Variants in PTK2 observed in about 807,000 individuals in gnomAD.
PTK2 encodes the protein focal adhesion kinase 1.
Under a neutral mutation model 150.1 loss-of-function variants are expected in PTK2, and 45 were observed. That is an observed-to-expected ratio of 0.30 (90% CI 0.24 to 0.38). The LOEUF is 0.38. Ranked by LOEUF, PTK2 falls within the 10% of genes least tolerant of loss-of-function variation. PTK2 has a pLI of 1.00. For synonymous variants in PTK2, 432 were observed against 449.2 expected (o/e 0.96, Z 0.48); for missense variants, 919 against 1,307.3 (o/e 0.70, Z 4.58).
intron 20 of PTK2, among the ~76,000 whole-genome samples, chr8:140,741,329 C>A (rs998640307): frequency 1.3e-5 from 2 of 151,458 alleles, no homozygotes; most frequent in African/African-American, 2.4e-5. Flanking sequence ...GTGGTGGGCA[C>A]CTGTAGTCCC....
intron 8 of PTK2, among the ~76,000 whole-genome samples, chr8:140,823,282 T>C (rs1264878521): frequency 1.3e-5 from 2 of 152,150 alleles, no homozygotes; most frequent in Admixed American, 6.5e-5. Context: ...TTATGTAAAA[T>C]AGGTACAGAA....
intron 2 of PTK2, among the ~76,000 whole-genome samples, chr8:140,900,056 C>G (rs1413688418): frequency 6.6e-6 from 1 of 152,102 alleles, no homozygotes; most frequent in Non-Finnish European, 1.5e-5. Context: ...ACAAGGATGC[C>G]CACTCTCACC....
chr8:140,935,262 G>A (rs374004708), intron 1 of PTK2, among the ~76,000 whole-genome samples: 9 of 152,178 alleles, frequency 5.9e-5, no homozygotes, highest in African/African-American at 1.9e-4. Flanking sequence ...ATTATAGCAG[G>A]AGCTACTGTG....
intron 2 of PTK2, among the ~76,000 whole-genome samples, chr8:140,896,674 C>T (rs1384837226): frequency 3.3e-5 from 5 of 152,038 alleles, no homozygotes; most frequent in Non-Finnish European, 7.4e-5. Flanking sequence ...AAAAAAACTT[C>T]CCCTCCCCAA....
At chr8:140,751,159 G>A (rs1173045978) in intron 17 of PTK2, among the ~76,000 whole-genome samples, 4 of 151,962 alleles carry the variant, frequency 2.6e-5, no homozygotes, top group African/African-American at 7.2e-5. Context: ...CTCTTCTTGC[G>A]TGAAGTTTTC....
chr8:140,707,238 GGT>G (rs2100034319), intron 23 of PTK2, among the ~76,000 whole-genome samples: 1 of 152,028 alleles, frequency 6.6e-6, no homozygotes, highest in African/African-American at 2.4e-5. Flanking sequence ...TCATTTTGGG[GGT>G]GATAAAAATG....
At chr8:140,742,203 A>G (rs1047372182) in intron 20 of PTK2, among the ~76,000 whole-genome samples, 1 of 152,242 alleles carries the variant, frequency 6.6e-6, no homozygotes, top group Admixed American at 6.5e-5. Context: ...AGCAGCCTGC[A>G]TATTTTTCAG....
rs146018687 is a variant in PTK2 at position 140,702,944 on chromosome 8, T to G, written c.2230-237A>C. Among the ~76,000 whole-genome samples, 654 of 152,254 alleles carry G rather than the reference T, an allele frequency of 4.3e-3. 3 individuals carry two copies. Among genetic ancestry groups the G allele is most frequent in the African/African-American group, 0.015 (623 of 41,550 alleles). On this transcript the variant is annotated intron_variant, in intron 24 of 31. Transcript: ENST00000522684. ...TTGGGATGGGAGGGTATCTGGGATA[T>G]CTGAGTGAGTCCAGTGTAATTACAA...
intron 8 of PTK2, chr8:140,820,505 G>A (rs1404003449): frequency 6.6e-6 from 1 of 152,532 alleles, no homozygotes; most frequent in East Asian, 1.9e-4. Context: ...GGCAGGAGGA[G>A]ACAGATGGCA....
intron 10 of PTK2, among the ~76,000 whole-genome samples, chr8:140,806,379 A>G (rs547668897): frequency 6.6e-6 from 1 of 152,320 alleles, no homozygotes; most frequent in Non-Finnish European, 1.5e-5. Flanking sequence ...TTGCATCTGT[A>G]GCTACTGCAT....
chr8:140,839,681 C>T lies in PTK2; in HGVS notation c.593+6579G>A, dbSNP rs142217917. On this transcript the variant is annotated intron_variant, in intron 7 of 31. Transcript: ENST00000522684. ...GACAAATCCAAAGAAATATCTCCCC[C>T]AAAAAAGAGAGAATCCAGAGAGACA... Among the ~76,000 whole-genome samples, 787 of 151,884 alleles carry T rather than the reference C, an allele frequency of 5.2e-3. 8 individuals carry two copies. The highest frequency in any genetic ancestry group is 0.018 in the African/African-American group (752 of 41,426).
chr8:140,812,613 T>C (rs930646047), intron 10 of PTK2, among the ~76,000 whole-genome samples: 6 of 152,172 alleles, frequency 3.9e-5, no homozygotes, highest in African/African-American at 1.4e-4. Context: ...CCAAGATTCA[T>C]TGGTATGCTG....
intron 2 of PTK2, among the ~76,000 whole-genome samples, chr8:140,892,875 T>C (rs533927690): frequency 8.5e-5 from 13 of 152,314 alleles, no homozygotes; most frequent in Non-Finnish European, 1.3e-4. Context: ...GTGAAGAAAC[T>C]GAAACCTTCC....
chr8:140,915,729 C>CT (rs1430697349), intron 2 of PTK2, among the ~76,000 whole-genome samples: 1 of 151,330 alleles, frequency 6.6e-6, no homozygotes, highest in Non-Finnish European at 1.5e-5. Flanking sequence ...AAACCCGTCT[C>CT]TACTAAAAAA....
At chr8:140,677,551 G>C (rs1393243383) in intron 27 of PTK2, among the ~76,000 whole-genome samples, 1 of 152,148 alleles carries the variant, frequency 6.6e-6, no homozygotes, top group African/African-American at 2.4e-5. Context: ...TTAAAATAAT[G>C]AACTGGCTAA....
chr8:140,917,338 C>CCAGGAAAGGA (rs540861325), intron 2 of PTK2, among the ~76,000 whole-genome samples: 1 of 151,230 alleles, frequency 6.6e-6, no homozygotes, highest in Admixed American at 6.6e-5. Context: ...CAAGACTCTG[C>CCAGGAAAGGA]CAGGAAAGGA....
chr8:140,965,015 C>T (rs911703993), intron 1 of PTK2, among the ~76,000 whole-genome samples: 15 of 152,154 alleles, frequency 9.9e-5, no homozygotes, highest in African/African-American at 2.9e-4. Flanking sequence ...AAACTAAGAC[C>T]TAATAATCCT....
At chr8:140,737,302 T>G (rs2100053147) in intron 21 of PTK2, among the ~76,000 whole-genome samples, 1 of 152,116 alleles carries the variant, frequency 6.6e-6, no homozygotes. Flanking sequence ...GGGGTCTTGC[T>G]AAGTTGTCCA....
At chr8:140,748,895 G>C (rs537284387) in intron 17 of PTK2, among the ~76,000 whole-genome samples, 1 of 152,170 alleles carries the variant, frequency 6.6e-6, no homozygotes, top group Non-Finnish European at 1.5e-5. Flanking sequence ...AAAAACACCT[G>C]ATTTCACAGA....
Sources: allele counts gnomAD v4.1 joint callset (sites outside exome capture counted in the v4.1 genomes callset), GRCh38; gene constraint gnomAD v4.1.1; transcripts MANE v1.5; gene names NCBI Gene and HGNC (gene_info 2026-07-23, HGNC 2026-07-21).